KIAA2012: variants seen among roughly 807,000 people sequenced by gnomAD.
The protein encoded by KIAA2012 is uncharacterized protein KIAA2012.
A neutral mutation model predicts 150.6 loss-of-function variants in KIAA2012; 125 were observed. That is an observed-to-expected ratio of 0.83 (90% CI 0.72 to 0.96). KIAA2012 has a LOEUF of 0.96. Ranked by LOEUF, KIAA2012 falls within the 40% of genes least tolerant of loss-of-function variation. The pLI, the probability that KIAA2012 is intolerant of heterozygous loss-of-function variation, is 0.00. For missense variants in KIAA2012, 1,219 were observed against 1,354.9 expected, an observed-to-expected ratio of 0.90 and a Z score of 1.57; for synonymous variants, 462 against 504.7, an observed-to-expected ratio of 0.92 and a Z score of 1.13.
chr2:202,181,331 T>C (rs1303461545), intron 15 of KIAA2012, among the ~76,000 whole-genome samples: 1 of 152,176 alleles, frequency 6.6e-6, no homozygotes, highest in Admixed American at 6.5e-5. Flanking sequence ...ATGTCAACAC[T>C]TTGGGAAGTT....
At chr2:202,107,866 G>A (rs1690240901) in intron 9 of KIAA2012, among the ~76,000 whole-genome samples, 1 of 152,022 alleles carries the variant, frequency 6.6e-6, no homozygotes, top group African/African-American at 2.4e-5. Context: ...AAAATTAGCC[G>A]GGTGTGGTGG....
chr2:202,180,008 A>C, intron 15 of KIAA2012: 2 of 529,162 alleles, frequency 3.8e-6, no homozygotes, highest in South Asian at 1.6e-5. Context: ...GCGGTGGCTC[A>C]TGCCTGTAAT....
intron 15 of KIAA2012, among the ~76,000 whole-genome samples, chr2:202,169,140 C>A (rs1410269220): frequency 6.6e-6 from 1 of 152,196 alleles, no homozygotes; most frequent in Middle Eastern, 3.2e-3. Context: ...CTAAGTACCA[C>A]CTATAGCCCC....
chr2:202,133,633 G>A (rs189304187), intron 12 of KIAA2012, among the ~76,000 whole-genome samples: 36 of 152,234 alleles, frequency 2.4e-4, no homozygotes, highest in Non-Finnish European at 5.0e-4. Context: ...GCTCCCAGGG[G>A]GATGTCTTTT....
intron 14 of KIAA2012, among the ~76,000 whole-genome samples, chr2:202,156,689 G>T (rs367569168): frequency 1.3e-3 from 192 of 152,202 alleles, no homozygotes; most frequent in South Asian, 5.6e-3. Flanking sequence ...ATCGAGACCA[G>T]CCTGGCTAAC....
At chr2:202,112,671 ATC>A (rs1472295373) in intron 10 of KIAA2012, among the ~76,000 whole-genome samples, 2 of 152,248 alleles carry the variant, frequency 1.3e-5, no homozygotes, top group Admixed American at 1.3e-4. Context: ...ACCAGTTGGT[ATC>A]TGCTGGAGAA....
intron 2 of KIAA2012, among the ~76,000 whole-genome samples, chr2:202,089,393 T>C (rs141935248): frequency 2.0e-5 from 3 of 152,334 alleles, no homozygotes; most frequent in African/African-American, 7.2e-5. Context: ...TATTTATTGT[T>C]TTGACATCAA....
intron 15 of KIAA2012, among the ~76,000 whole-genome samples, chr2:202,175,482 C>T (rs1202663800): frequency 6.6e-6 from 1 of 152,170 alleles, no homozygotes; most frequent in Non-Finnish European, 1.5e-5. Context: ...GAGGTTGGGC[C>T]TCTGGGAGGT....
intron 8 of KIAA2012, 147 bp from the exon 9 acceptor site, chr2:202,105,610 AGTTC>A: frequency 9.4e-7 from 1 of 1,067,022 alleles, no homozygotes; most frequent in Non-Finnish European, 1.3e-6. Flanking sequence ...GCCAGGCTTC[AGTTC>A]CATAGCCCTC....
In KIAA2012 at chr2:202,138,447, G is replaced by T. The variant is rs905596466; in HGVS notation, c.1847G>T (p.Arg616Ile). The T allele has an allele frequency of 4.5e-6, 7 of 1,550,602 alleles. No homozygotes were observed. The highest frequency in any genetic ancestry group is 6.1e-6 in the Non-Finnish European group (7 of 1,146,934). ...QHFLKANTEP[R>I]ANLHMNLYET... ...TTCACTACAGCAAACACTGAACCTAGAGCCAATCTTCACATGAACCTTTAT... is the reference window on the plus strand; with the variant it reads ...TTCACTACAGCAAACACTGAACCTATAGCCAATCTTCACATGAACCTTTAT... Residue 616 changes from arginine to isoleucine, a missense_variant, in exon 13 of 24, where the codon AGA becomes ATA. By Grantham distance (97) the Arg-to-Ile change is moderately conservative. Coordinates refer to ENST00000498697, the MANE Select transcript of KIAA2012 (RefSeq NM_001277372.4).
chr2:202,094,034 C>A (rs1418189926), intron 4 of KIAA2012, among the ~76,000 whole-genome samples: 1 of 152,170 alleles, frequency 6.6e-6, no homozygotes, highest in Non-Finnish European at 1.5e-5. Flanking sequence ...GTAATCTCAA[C>A]ATTTTGGGAG....
At chr2:202,147,801 G>A (rs758553995) in intron 13 of KIAA2012, among the ~76,000 whole-genome samples, 8 of 152,158 alleles carry the variant, frequency 5.3e-5, no homozygotes, top group Non-Finnish European at 1.2e-4. Context: ...TTGAGTTCAA[G>A]TTGTGAGTTA....
chr2:202,140,786 T>C (rs72938598), intron 13 of KIAA2012, among the ~76,000 whole-genome samples: 364 of 152,312 alleles, frequency 2.4e-3, no homozygotes, highest in Middle Eastern at 0.024. Context: ...AGGGGATTCC[T>C]TCCCTGCGGC....
chr2:202,188,446 A>G (rs575321415), intron 18 of KIAA2012, among the ~76,000 whole-genome samples, 180 bp downstream of exon 18: 3 of 152,352 alleles, frequency 2.0e-5, no homozygotes, highest in Non-Finnish European at 4.4e-5. Flanking sequence ...AGACAGAGAT[A>G]CAGGAAAACG....
At chr2:202,096,055 G>A (rs1045303117) in intron 4 of KIAA2012, among the ~76,000 whole-genome samples, 6 of 152,096 alleles carry the variant, frequency 3.9e-5, no homozygotes, top group Non-Finnish European at 7.4e-5. Context: ...CTGCACTCCA[G>A]CCTGGGCAAC....
chr2:202,201,187 CAG>C (rs924796710), intron 22 of KIAA2012, among the ~76,000 whole-genome samples: 1 of 152,136 alleles, frequency 6.6e-6, no homozygotes, highest in African/African-American at 2.4e-5. Flanking sequence ...CAAAATGCTT[CAG>C]AGAGTTACTG....
chr2:202,074,305 G>A (rs149113204), intron 1 of KIAA2012, among the ~76,000 whole-genome samples: 179 of 152,186 alleles, frequency 1.2e-3, no homozygotes, highest in African/African-American at 3.6e-3. Context: ...CCATTGTCAT[G>A]GTACTTTGTC....
intron 13 of KIAA2012, 29 bp from the exon 14 acceptor site, chr2:202,154,644 A>C (rs1183157871): frequency 6.6e-7 from 1 of 1,515,618 alleles, no homozygotes; most frequent in East Asian, 2.5e-5. Flanking sequence ...ATTCATATGA[A>C]AGTTCGGGCT....
intron 14 of KIAA2012, 26 bp downstream of exon 14, chr2:202,154,836 G>T (rs1691492872): frequency 6.5e-7 from 1 of 1,531,832 alleles, no homozygotes; most frequent in Non-Finnish European, 8.8e-7. Flanking sequence ...GAAGACGAGG[G>T]GTTTTATAGA....
Sources: allele counts gnomAD v4.1 joint callset (sites outside exome capture counted in the v4.1 genomes callset), GRCh38; gene constraint gnomAD v4.1.1; transcripts MANE v1.5; gene names NCBI Gene and HGNC (gene_info 2026-07-23, HGNC 2026-07-21).